The following ANKRD26 variants were observed in gnomAD, a reference collection of about 807,000 sequenced individuals.
The protein encoded by ANKRD26 is ankyrin repeat domain-containing protein 26.
ANKRD26 carries 141 observed loss-of-function variants against 208.7 expected under a neutral mutation model. That is an observed-to-expected ratio of 0.68 (90% CI 0.59 to 0.78). The LOEUF is 0.78. Among genes scored for constraint, ANKRD26 ranks in the 30% least tolerant of loss-of-function variants. The pLI is 0.00. For missense variants in ANKRD26, 1,889 were observed against 1,938.7 expected (o/e 0.97, Z 0.48); for synonymous variants, 636 against 660.4 (o/e 0.96, Z 0.57).
chr10:27,063,948 T>G, intron 12 of ANKRD26, 40 bp downstream of exon 12: 1 of 1,480,658 alleles, frequency 6.8e-7, no homozygotes, highest in Non-Finnish European at 9.4e-7. Flanking sequence ...AAATAAACAC[T>G]CTGTCCAATG....
chr10:26,981,447 A>G (rs545172565), intron 4 of ANKRD26, among the ~76,000 whole-genome samples: 1 of 152,292 alleles, frequency 6.6e-6, no homozygotes, highest in East Asian at 1.9e-4. Flanking sequence ...ATGTCTGGTG[A>G]CAGCTGGGTG....
At chr10:27,072,350 C>T (rs2135539282) in intron 9 of ANKRD26, among the ~76,000 whole-genome samples, 2 of 152,312 alleles carry the variant, frequency 1.3e-5, no homozygotes, top group East Asian at 3.9e-4. Flanking sequence ...GCAGAGGCAG[C>T]TGAGCTTCTC....
At chr10:27,048,739 C>G in intron 17 of ANKRD26, 62 bp downstream of exon 17, 1 of 1,516,834 alleles carries the variant, frequency 6.6e-7, no homozygotes, top group Non-Finnish European at 9.1e-7. Context: ...GAATATTAGT[C>G]CAAATTAGAA....
chr10:27,052,466 A>G (rs2054695883), intron 16 of ANKRD26, among the ~76,000 whole-genome samples: 1 of 152,168 alleles, frequency 6.6e-6, no homozygotes, highest in East Asian at 1.9e-4. Flanking sequence ...AGTGCATTTA[A>G]GTACTTTTTG....
intron 16 of ANKRD26, chr10:27,051,147 T>C (rs1287080371): frequency 3.9e-6 from 5 of 1,290,208 alleles, no homozygotes; most frequent in Non-Finnish European, 5.1e-6. Flanking sequence ...TTGCATATCT[T>C]GCTGTAATTC....
Position 27,012,989 on chromosome 10 carries a change from T to A in ANKRD26, c.4846A>T (p.Asn1616Tyr), listed in dbSNP as rs375363190. 8.7e-6 allele frequency: 14 copies of A among 1,613,924 alleles called. No homozygotes were observed. The highest frequency in any genetic ancestry group is 1.2e-5 in the Non-Finnish European group (14 of 1,179,960). The change falls in exon 32 of 34, where the codon AAT becomes TAT. Residue 1616 changes from asparagine to tyrosine, a missense_variant. Transcript: ENST00000376087. ...TTTCTGTTGAGATCTAAACTATTAT[T>A]AAGATTTCCCACACAAGGTGGCTCC... Reference protein sequence around the residue: ...VMEPPCVGNLNNSLDLNRKLI... With the variant: ...VMEPPCVGNLYNSLDLNRKLI...
chr10:27,040,777 C>T lies in ANKRD26; in HGVS notation c.2162-599G>A, dbSNP rs996856265. On this transcript the variant is annotated intron_variant, in intron 20 of 33. Transcript: ENST00000376087. ...GGGCGTAGTGGGTCACACCTGTAAT[C>T]CCAGCACTTTAGGAGGCTGAGGTGG... 5.3e-5 allele frequency among the ~76,000 whole-genome samples: 8 copies of T among 152,198 alleles called. No individual in the cohort carries two copies. The South Asian group carries it at 6.2e-4, about 12-fold the overall frequency.
intron 31 of ANKRD26, among the ~76,000 whole-genome samples, 194 bp downstream of exon 31, chr10:27,014,300 A>C (rs1161655443): frequency 1.3e-5 from 2 of 152,090 alleles, no homozygotes; most frequent in Non-Finnish European, 2.9e-5. Flanking sequence ...TAAAATTAAA[A>C]AAAAAAAAAC....
intron 17 of ANKRD26, among the ~76,000 whole-genome samples, chr10:27,046,945 A>G (rs1014582754): frequency 4.6e-5 from 7 of 152,136 alleles, no homozygotes; most frequent in Admixed American, 6.6e-5. Flanking sequence ...AGGTGAGCAC[A>G]GATTAGGCAC....
At chr10:26,995,984 C>A (rs912369468) in intron 4 of ANKRD26, among the ~76,000 whole-genome samples, 6 of 152,170 alleles carry the variant, frequency 3.9e-5, no homozygotes, top group African/African-American at 9.7e-5. Context: ...TTGCCATTCT[C>A]TCCAGGTGAA....
chr10:27,073,829 C>T (rs541989070), intron 9 of ANKRD26, among the ~76,000 whole-genome samples: 1 of 152,124 alleles, frequency 6.6e-6, no homozygotes. Context: ...AAACAGTAAA[C>T]CTGCTCACAG....
At chr10:26,959,979 T>C in the ANKRD26 span, among the ~76,000 whole-genome samples, 1 of 152,134 alleles carries the variant, frequency 6.6e-6, no homozygotes, top group East Asian at 1.9e-4. Context: ...TGCAGCATAG[T>C]GAGACCTCGT....
Position 27,014,607 on chromosome 10 carries a change from G to A in ANKRD26, c.4611C>T (p.Leu1537=). Residue 1537 remains leucine (L), a synonymous_variant, in exon 31 of 34, where the codon CTC becomes CTT. Transcript: ENST00000376087. ...CTTCTTGAGAAGTTTTTATTTTGGA[G>A]AGTTCAGATTCCAGATCTTTAATTC... ...ELRIKDLESE[L]SKIKTSQEDF... 6.2e-7 allele frequency: 1 copy of A among 1,610,336 alleles called. No individual in the cohort carries two copies. Among genetic ancestry groups the A allele is most frequent in the East Asian group, 2.2e-5 (1 of 44,610 alleles).
rs1410791050 is a variant in ANKRD26 at position 27,035,488 on chromosome 10, G to A, written c.2962C>T (p.Leu988=). 5 of 1,613,918 alleles carry A rather than the reference G, an allele frequency of 3.1e-6. No individual in the cohort carries two copies. The South Asian group carries it at 5.5e-5, about 18-fold the overall frequency. ...LSVLTAENAM[L]NSKLENEKQS... ...TTTTCATTCTCCAGTTTAGAATTTA[G>A]CATTGCATTCTCAGCTGTCAGAACA... The change falls in exon 24 of 34, where the codon CTA becomes TTA. Residue 988 remains leucine, a synonymous_variant. Coordinates refer to ENST00000376087, the MANE Select transcript of ANKRD26 (RefSeq NM_014915.3).
chr10:27,001,730 C>T (rs12774303), downstream of ANKRD26, among the ~76,000 whole-genome samples: 17,673 of 152,166 alleles, frequency 0.12, 1,451 homozygotes, highest in East Asian at 0.44. Context: ...TGAACATCCC[C>T]AGCCCTGAGG....
At chr10:26,956,407 A>T in the ANKRD26 span, among the ~76,000 whole-genome samples, 1 of 152,168 alleles carries the variant, frequency 6.6e-6, no homozygotes, top group Non-Finnish European at 1.5e-5. Context: ...CTTATGAAAA[A>T]ATATTAATAA....
intron 5 of ANKRD26, among the ~76,000 whole-genome samples, chr10:26,980,156 A>C (rs2134618920): frequency 6.6e-6 from 1 of 152,354 alleles, no homozygotes; most frequent in Middle Eastern, 3.4e-3. Context: ...AAACATGAAA[A>C]ATAATCTCAA....
the ANKRD26 span, among the ~76,000 whole-genome samples, chr10:26,964,274 G>C: frequency 6.6e-6 from 1 of 152,088 alleles, no homozygotes; most frequent in African/African-American, 2.4e-5. Context: ...GAAGCCATGG[G>C]TACAGAAAGC....
chr10:27,076,550 C>T (rs1181840727), intron 9 of ANKRD26, among the ~76,000 whole-genome samples: 1 of 152,010 alleles, frequency 6.6e-6, no homozygotes, highest in East Asian at 1.9e-4. Context: ...CAGGTGTGAG[C>T]CACCGTGCCC....
Sources: gnomAD v4.1 joint callset for allele counts (sites outside exome capture counted in the v4.1 genomes callset) on GRCh38, gnomAD v4.1.1 for gene constraint, MANE v1.5 for transcripts, NCBI Gene and HGNC (gene_info 2026-07-23, HGNC 2026-07-21) for gene names.